The following BRINP3 variants were observed in gnomAD, a reference collection of about 807,000 sequenced individuals.
The protein encoded by BRINP3 is BMP/retinoic acid-inducible neural-specific protein 3.
Under a neutral mutation model 71.0 loss-of-function variants are expected in BRINP3, and 19 were observed. The observed-to-expected ratio is 0.27, with a 90% confidence interval of 0.19 to 0.39. BRINP3 has a LOEUF of 0.39. Ranked by LOEUF, BRINP3 falls within the 10% of genes least tolerant of loss-of-function variation. The pLI is 1.00. For missense variants in BRINP3, 959 were observed against 940.8 expected, an observed-to-expected ratio of 1.02 and a Z score of -0.25; for synonymous variants, 380 against 337.7, an observed-to-expected ratio of 1.13 and a Z score of -1.37.
chr1:190,180,844 G>C (rs897287326), intron 6 of BRINP3, among the ~76,000 whole-genome samples: 8 of 151,866 alleles, frequency 5.3e-5, no homozygotes, highest in Non-Finnish European at 1.0e-4. Flanking sequence ...ACAATTCCTA[G>C]GAAGTTACAA....
chr1:190,460,245 GAATT>G (rs756293265), intron 1 of BRINP3, among the ~76,000 whole-genome samples: 195 of 150,248 alleles, frequency 1.3e-3, no homozygotes, highest in Admixed American at 2.7e-3. Flanking sequence ...ATAAATGTTA[GAATT>G]ATTTATTATA....
At chr1:190,405,117 C>T (rs1474957531) in intron 2 of BRINP3, among the ~76,000 whole-genome samples, 4 of 151,976 alleles carry the variant, frequency 2.6e-5, no homozygotes, top group Non-Finnish European at 1.5e-5. Flanking sequence ...TTAATTATTC[C>T]ACATTTTCTT....
chr1:190,430,502 G>T (rs1674022719), intron 2 of BRINP3, among the ~76,000 whole-genome samples: 1 of 152,028 alleles, frequency 6.6e-6, no homozygotes, highest in African/African-American at 2.4e-5. Flanking sequence ...TTATACAAGG[G>T]GCTCAGTGTG....
chr1:190,371,398 T>C (rs12083426), intron 2 of BRINP3, among the ~76,000 whole-genome samples: 27,260 of 152,148 alleles, frequency 0.18, 2,588 homozygotes, highest in African/African-American at 0.23. Flanking sequence ...CATGTGGATA[T>C]CTAGTTTTAC....
intron 2 of BRINP3, among the ~76,000 whole-genome samples, chr1:190,322,222 T>C (rs1468525008): frequency 6.6e-6 from 1 of 152,042 alleles, no homozygotes; most frequent in African/African-American, 2.4e-5. Context: ...ACCTTATCTC[T>C]AGAGACAAGT....
intron 2 of BRINP3, among the ~76,000 whole-genome samples, chr1:190,308,372 C>T (rs554933003): frequency 2.6e-5 from 4 of 151,572 alleles, no homozygotes; most frequent in Admixed American, 2.0e-4. Flanking sequence ...GTTGTTCTTG[C>T]GACAGTTTGC....
At chr1:190,207,345 T>C (rs114355243) in intron 6 of BRINP3, among the ~76,000 whole-genome samples, 287 of 152,238 alleles carry the variant, frequency 1.9e-3, no homozygotes, top group African/African-American at 6.5e-3. Flanking sequence ...CTGATGCTTG[T>C]TCAGAGTTCA....
chr1:190,330,736 C>T (rs1037596164), intron 2 of BRINP3, among the ~76,000 whole-genome samples: 2 of 151,964 alleles, frequency 1.3e-5, no homozygotes, highest in Admixed American at 1.3e-4. Context: ...AACATAAGTG[C>T]CCATATGGTT....
At chr1:190,219,233 C>A (rs949598368) in intron 6 of BRINP3, among the ~76,000 whole-genome samples, 7 of 151,950 alleles carry the variant, frequency 4.6e-5, no homozygotes, top group African/African-American at 1.7e-4. Context: ...AACAGGAAAC[C>A]ATGACCTCCT....
intron 2 of BRINP3, among the ~76,000 whole-genome samples, chr1:190,358,264 G>A (rs1302560271): frequency 1.3e-5 from 2 of 152,068 alleles, no homozygotes; most frequent in African/African-American, 4.8e-5. Context: ...CTACTCATCT[G>A]ACAAAGGGCT....
At chr1:190,441,010 A>C in intron 2 of BRINP3, among the ~76,000 whole-genome samples, 1 of 151,966 alleles carries the variant, frequency 6.6e-6, no homozygotes, top group East Asian at 1.9e-4. Context: ...CAAATAGTGA[A>C]ATTCACTTAT....
At position 190,191,504 on chromosome 1, in the gene BRINP3, T is replaced by A. The variant is rs148811736; in HGVS notation, c.962-30614A>T. Among the ~76,000 whole-genome samples, 72 of 152,088 alleles carry A rather than the reference T, an allele frequency of 4.7e-4. 1 individual carries two copies. The East Asian group carries it at 0.013, about 28-fold the overall frequency. On this transcript the variant is annotated intron_variant, in intron 6 of 7. Coordinates refer to ENST00000367462, the MANE Select transcript of BRINP3 (RefSeq NM_199051.3). ...CCCACTTATGAGTGCGAACAAGTGGTGTTTGATTTTCTGTTCTTATGTTAG... is the reference window on the plus strand; with the variant it reads ...CCCACTTATGAGTGCGAACAAGTGGAGTTTGATTTTCTGTTCTTATGTTAG...
chr1:190,461,210 G>A (rs1216281623), intron 1 of BRINP3, among the ~76,000 whole-genome samples: 1 of 152,116 alleles, frequency 6.6e-6, no homozygotes, highest in Non-Finnish European at 1.5e-5. Context: ...TGTGCCAGGA[G>A]AGTTATTAAC....
At chr1:190,270,944 T>C (rs933851647) in intron 3 of BRINP3, among the ~76,000 whole-genome samples, 22 of 151,788 alleles carry the variant, frequency 1.4e-4, no homozygotes, top group African/African-American at 4.6e-4. Flanking sequence ...ATAATAATTA[T>C]ATCAAATATT....
At chr1:190,333,140 T>C (rs1279783700) in intron 2 of BRINP3, among the ~76,000 whole-genome samples, 1 of 152,022 alleles carries the variant, frequency 6.6e-6, no homozygotes, top group African/African-American at 2.4e-5. Context: ...AAAATGATCT[T>C]ATTTAATTTT....
intron 2 of BRINP3, among the ~76,000 whole-genome samples, chr1:190,308,511 A>T (rs1665284207): frequency 6.6e-6 from 1 of 150,566 alleles, no homozygotes. Flanking sequence ...GGAAGGGGGG[A>T]GGGATAGCAT....
chr1:190,283,254 GT>G (rs1663176752), intron 2 of BRINP3, among the ~76,000 whole-genome samples: 1 of 151,904 alleles, frequency 6.6e-6, no homozygotes, highest in Non-Finnish European at 1.5e-5. Flanking sequence ...TCCTCGAAGG[GT>G]TCTCAAACTT....
At position 190,176,822 on chromosome 1, in the gene BRINP3, G is replaced by A. The variant is rs149853384; in HGVS notation, c.962-15932C>T. Among the ~76,000 whole-genome samples the A allele has an allele frequency of 5.4e-3, 823 of 152,112 alleles. 6 individuals carry two copies. The highest frequency in any genetic ancestry group is 0.018 in the African/African-American group (751 of 41,508). Reference sequence around the variant, plus strand: ...CTCATTCTTACTTTTGCTGCTTGGGGTCAAGAAGCAGTTAGCTCTTTTAAC... The same window carrying A: ...CTCATTCTTACTTTTGCTGCTTGGGATCAAGAAGCAGTTAGCTCTTTTAAC... On this transcript the variant is annotated intron_variant, in intron 6 of 7. Coordinates refer to ENST00000367462, the MANE Select transcript of BRINP3 (RefSeq NM_199051.3).
intron 1 of BRINP3, among the ~76,000 whole-genome samples, chr1:190,457,055 C>A (rs1457805742): frequency 2.0e-5 from 3 of 152,122 alleles, no homozygotes; most frequent in African/African-American, 7.2e-5. Flanking sequence ...CCAAACCCAA[C>A]AACCAATATA....
Sources: gnomAD v4.1 joint callset for allele counts (sites outside exome capture counted in the v4.1 genomes callset) on GRCh38, gnomAD v4.1.1 for gene constraint, MANE v1.5 for transcripts, NCBI Gene and HGNC (gene_info 2026-07-23, HGNC 2026-07-21) for gene names.